MAML2: variants seen among roughly 807,000 people sequenced by gnomAD.
MAML2 encodes the protein mastermind-like protein 2.
MAML2 carries 22 observed loss-of-function variants against 96.1 expected under a neutral mutation model. The ratio of observed to expected loss-of-function variants is 0.23; its 90% CI spans 0.16 to 0.33. MAML2 has a LOEUF of 0.33. Ranked by LOEUF, MAML2 falls within the 10% of genes least tolerant of loss-of-function variation. The pLI is 1.00. For missense variants in MAML2, 1,367 were observed against 1,392.4 expected (o/e 0.98, Z 0.29); for synonymous variants, 561 against 521.3 (o/e 1.08, Z -1.04).
chr11:95,985,771 C>T (rs184648539), intron 3 of MAML2, 129 bp from the exon 4 acceptor site: 6 of 585,208 alleles, frequency 1.0e-5, no homozygotes, highest in African/African-American at 9.5e-5. Flanking sequence ...CAAATCATGA[C>T]CTTATTTTGT....
intron 1 of MAML2, among the ~76,000 whole-genome samples, chr11:96,127,492 G>A (rs7951852): frequency 0.8 from 121,574 of 152,148 alleles, 50,419 homozygotes; most frequent in Middle Eastern, 0.92. Flanking sequence ...TTCCATCAGC[G>A]CCAAATAATT....
intron 1 of MAML2, among the ~76,000 whole-genome samples, chr11:96,190,041 A>C (rs1861631189): frequency 3.3e-5 from 5 of 152,202 alleles, no homozygotes. Context: ...TTTCACACTG[A>C]AAATTTGTTA....
chr11:96,000,314 C>T (rs995579858), intron 2 of MAML2, among the ~76,000 whole-genome samples: 1 of 152,174 alleles, frequency 6.6e-6, no homozygotes, highest in East Asian at 1.9e-4. Context: ...ACGGCCTAAT[C>T]CAGCCTGCCA....
chr11:96,056,072 G>A (rs1939476), intron 2 of MAML2, among the ~76,000 whole-genome samples: 78,214 of 152,028 alleles, frequency 0.51, 20,849 homozygotes, highest in Non-Finnish European at 0.59. Context: ...GACTTGCTGT[G>A]TTACTTTGTG....
chr11:96,330,522 C>A (rs1320446744), intron 1 of MAML2, among the ~76,000 whole-genome samples: 2 of 152,212 alleles, frequency 1.3e-5, no homozygotes, highest in East Asian at 3.8e-4. Flanking sequence ...TTTCTACTTA[C>A]AAACCACCCC....
chr11:96,026,070 G>A (rs1461900510), intron 2 of MAML2, among the ~76,000 whole-genome samples: 1 of 152,130 alleles, frequency 6.6e-6, no homozygotes, highest in Non-Finnish European at 1.5e-5. Context: ...TTTTATAGAT[G>A]AGGAAACTGA....
chr11:96,331,232 T>C (rs367749320), intron 1 of MAML2, among the ~76,000 whole-genome samples: 3 of 152,176 alleles, frequency 2.0e-5, no homozygotes, highest in African/African-American at 7.2e-5. Flanking sequence ...ATTGTGCCAC[T>C]GCACTCCAGC....
intron 1 of MAML2, among the ~76,000 whole-genome samples, chr11:96,277,733 CAAAAAAAAAAAA>C (rs55970384): frequency 1.4e-5 from 1 of 73,500 alleles, no homozygotes; most frequent in Admixed American, 1.4e-4. Flanking sequence ...CACTCTGCCT[CAAAAAAAAAAAA>C]AAAAAAAAAT....
At chr11:96,290,198 A>G (rs961698650) in intron 1 of MAML2, among the ~76,000 whole-genome samples, 8 of 152,148 alleles carry the variant, frequency 5.3e-5, no homozygotes, top group African/African-American at 1.4e-4. Flanking sequence ...ATTCTCCCCA[A>G]AGCTTCTCTC....
At chr11:95,982,730 G>A (rs988549694) in intron 4 of MAML2, among the ~76,000 whole-genome samples, 1 of 152,196 alleles carries the variant, frequency 6.6e-6, no homozygotes, top group Admixed American at 6.5e-5. Context: ...AAAAAACCAT[G>A]TTTTAAGTAC....
At chr11:96,080,959 GTTAT>G (rs368867554) in intron 2 of MAML2, among the ~76,000 whole-genome samples, 213 of 152,252 alleles carry the variant, frequency 1.4e-3, no homozygotes, top group African/African-American at 5.0e-3. Flanking sequence ...TGAGAAAACT[GTTAT>G]TTGAGTGAGG....
intron 1 of MAML2, among the ~76,000 whole-genome samples, chr11:96,307,036 C>G (rs1481180854): frequency 6.6e-6 from 1 of 152,212 alleles, no homozygotes; most frequent in Non-Finnish European, 1.5e-5. Flanking sequence ...ACACAGGATA[C>G]TGTTCTGTAC....
chr11:96,141,248 A>C (rs1161232480), intron 1 of MAML2, among the ~76,000 whole-genome samples: 3 of 152,192 alleles, frequency 2.0e-5, no homozygotes, highest in African/African-American at 4.8e-5. Context: ...AAACAAAACA[A>C]AACATTATTT....
At chr11:96,047,930 A>AAAAAGAAAAG in intron 2 of MAML2, among the ~76,000 whole-genome samples, 1 of 127,420 alleles carries the variant, frequency 7.8e-6, no homozygotes, top group East Asian at 2.5e-4. Context: ...AAAAAAAAAA[A>AAAAAGAAAAG]AAAAGAAAAA....
At chr11:95,987,232 T>C (rs974297776) in intron 3 of MAML2, among the ~76,000 whole-genome samples, 3 of 152,202 alleles carry the variant, frequency 2.0e-5, no homozygotes, top group African/African-American at 7.2e-5. Context: ...TTTGTGTCTG[T>C]TTTTAGACAA....
intron 1 of MAML2, among the ~76,000 whole-genome samples, chr11:96,273,074 T>C (rs1212443591): frequency 6.6e-6 from 1 of 152,192 alleles, no homozygotes; most frequent in Non-Finnish European, 1.5e-5. Context: ...CCTGTTTCAA[T>C]GCAAAAAGTT....
At chr11:96,024,892 C>T (rs1858492270) in intron 2 of MAML2, among the ~76,000 whole-genome samples, 1 of 152,212 alleles carries the variant, frequency 6.6e-6, no homozygotes, top group Non-Finnish European at 1.5e-5. Flanking sequence ...GCCACATCCT[C>T]TCAGTGTTTC....
intron 1 of MAML2, among the ~76,000 whole-genome samples, chr11:96,306,598 T>A (rs74379163): frequency 0.03 from 4,593 of 152,316 alleles, 122 homozygotes; most frequent in South Asian, 0.16. Context: ...ATTTTGCCAA[T>A]ACTAGGGGTA....
intron 1 of MAML2, among the ~76,000 whole-genome samples, chr11:96,265,606 C>T (rs1862814009): frequency 6.6e-6 from 1 of 152,204 alleles, no homozygotes. Context: ...GGCCCCCATC[C>T]TGTGCCTATA....
Sources: gnomAD v4.1 joint callset for allele counts (sites outside exome capture counted in the v4.1 genomes callset) on GRCh38, gnomAD v4.1.1 for gene constraint, MANE v1.5 for transcripts, NCBI Gene and HGNC (gene_info 2026-07-23, HGNC 2026-07-21) for gene names.